CDKN2B-AS1: variants seen among roughly 807,000 people sequenced by gnomAD.
The protein encoded by CDKN2B-AS1 is CDKN2B antisense RNA 1 (non-protein coding).
At chr9:22,125,567 C>T (rs1818003659) in intron 4 of CDKN2B-AS1, among the ~76,000 whole-genome samples, 1 of 152,144 alleles carries the variant, frequency 6.6e-6, no homozygotes, top group Non-Finnish European at 1.5e-5. Flanking sequence ...CAAAAGTATG[C>T]AGAAGCAGTC....
intron 1 of CDKN2B-AS1, among the ~76,000 whole-genome samples, chr9:22,038,100 C>T (rs530450329): frequency 6.6e-6 from 1 of 151,980 alleles, no homozygotes; most frequent in South Asian, 2.1e-4. Flanking sequence ...ATGTTCTTGA[C>T]AAGAAGCTTA....
At chr9:22,090,308 A>G (rs1376206108) in intron 4 of CDKN2B-AS1, among the ~76,000 whole-genome samples, 2 of 152,164 alleles carry the variant, frequency 1.3e-5, no homozygotes, top group East Asian at 1.9e-4. Context: ...GTGTCTTTAT[A>G]GCAGCATGAT....
At chr9:22,116,899 T>C (rs900705127) in intron 4 of CDKN2B-AS1, among the ~76,000 whole-genome samples, 3 of 152,220 alleles carry the variant, frequency 2.0e-5, no homozygotes, top group Non-Finnish European at 4.4e-5. Flanking sequence ...AAAAGGAATA[T>C]TATGACTACA....
intron 4 of CDKN2B-AS1, among the ~76,000 whole-genome samples, chr9:22,088,583 G>A (rs1050385142): frequency 6.6e-5 from 10 of 152,274 alleles, no homozygotes; most frequent in South Asian, 6.2e-4. Flanking sequence ...TCCAAACTGC[G>A]GTTAAGTGCA....
chr9:22,099,109 A>G (rs1192919199), intron 4 of CDKN2B-AS1, among the ~76,000 whole-genome samples: 1 of 152,230 alleles, frequency 6.6e-6, no homozygotes, highest in Non-Finnish European at 1.5e-5. Flanking sequence ...GTCTTGAAGG[A>G]CAAATGGTAT....
chr9:21,997,682 T>C lies in CDKN2B-AS1; in HGVS notation n.29+2521T>C, dbSNP rs916288579. ...CATTTCTCTTAAGCTCTTCAACTGC[T>C]TGGATGAGGACCACCCATATTATTG... On this transcript the variant is annotated intron_variant and non_coding_transcript_variant, in intron 1 of 4. Coordinates refer to ENST00000650946, the Ensembl canonical transcript of CDKN2B-AS1. The surrounding 1 kb of genome is among the most constrained non-coding windows in gnomAD (Gnocchi z 4.8). 6.6e-6 allele frequency among the ~76,000 whole-genome samples: 1 copy of C among 152,106 alleles called. No individual in the cohort carries two copies. The highest frequency in any genetic ancestry group is 2.4e-5 in the African/African-American group (1 of 41,414).
At chr9:22,121,319 C>T (rs1826097232) in intron 4 of CDKN2B-AS1, among the ~76,000 whole-genome samples, 2 of 151,668 alleles carry the variant, frequency 1.3e-5, no homozygotes, top group Admixed American at 1.3e-4. Context: ...AATATATCCT[C>T]TTTTAAGGAT....
chr9:22,003,290 C>T, intron 1 of CDKN2B-AS1: 1 of 200,868 alleles, frequency 5.0e-6, no homozygotes, highest in Non-Finnish European at 1.0e-5. Context: ...AAAAAACTAA[C>T]AAAACAAACA....
chr9:22,112,985 G>A (rs1393952583), intron 4 of CDKN2B-AS1, among the ~76,000 whole-genome samples: 2 of 152,150 alleles, frequency 1.3e-5, no homozygotes, highest in African/African-American at 2.4e-5. Flanking sequence ...TTAAGAGGAG[G>A]GGTGATGTGA....
chr9:22,013,245 A>T (rs899447511), intron 1 of CDKN2B-AS1, among the ~76,000 whole-genome samples: 1 of 152,156 alleles, frequency 6.6e-6, no homozygotes, highest in African/African-American at 2.4e-5. Flanking sequence ...TCAAATTGTG[A>T]GGTATTGGGC....
At chr9:22,017,570 A>G (rs1368741062) in intron 1 of CDKN2B-AS1, among the ~76,000 whole-genome samples, 2 of 152,168 alleles carry the variant, frequency 1.3e-5, no homozygotes, top group Non-Finnish European at 2.9e-5. Context: ...TAAAGTTATT[A>G]TATTTAGTTC....
At chr9:22,059,367 C>G (rs1439362222) in intron 4 of CDKN2B-AS1, among the ~76,000 whole-genome samples, 1 of 152,194 alleles carries the variant, frequency 6.6e-6, no homozygotes, top group Non-Finnish European at 1.5e-5. Flanking sequence ...AGGGCCCATG[C>G]AAGTCCAAAA....
intron 4 of CDKN2B-AS1, among the ~76,000 whole-genome samples, chr9:22,087,970 GA>G (rs1393489478): frequency 1.3e-5 from 2 of 152,192 alleles, no homozygotes; most frequent in African/African-American, 4.8e-5. Context: ...AGAGACTAGG[GA>G]GTGTTATAGA....
intron 2 of CDKN2B-AS1, among the ~76,000 whole-genome samples, chr9:22,048,811 T>G (rs1483082839): frequency 6.6e-6 from 1 of 152,210 alleles, no homozygotes; most frequent in Non-Finnish European, 1.5e-5. Flanking sequence ...CTACTCTTCC[T>G]TGTCATGTTG....
chr9:22,060,323 T>G (rs1823762953), intron 4 of CDKN2B-AS1, among the ~76,000 whole-genome samples: 1 of 152,170 alleles, frequency 6.6e-6, no homozygotes, highest in Non-Finnish European at 1.5e-5. Context: ...CTCTCTCAAG[T>G]TCAAAGTTCC....
intron 1 of CDKN2B-AS1, among the ~76,000 whole-genome samples, chr9:22,022,578 G>A (rs192434588): frequency 2.0e-4 from 30 of 152,190 alleles, no homozygotes; most frequent in African/African-American, 3.9e-4. Context: ...ACAGCATACC[G>A]ATGGGTCTTG....
At chr9:22,024,550 G>A (rs1258939076) in intron 1 of CDKN2B-AS1, among the ~76,000 whole-genome samples, 1 of 152,188 alleles carries the variant, frequency 6.6e-6, no homozygotes, top group Non-Finnish European at 1.5e-5. Context: ...ATTGCTCAGG[G>A]TGTGGGAGGA....
intron 4 of CDKN2B-AS1, among the ~76,000 whole-genome samples, chr9:22,077,411 C>T (rs886778879): frequency 9.9e-5 from 15 of 152,080 alleles, no homozygotes; most frequent in African/African-American, 3.6e-4. Flanking sequence ...GATTTTATAA[C>T]ATTTGCAGTT....
At chr9:22,079,264 A>AC in intron 4 of CDKN2B-AS1, among the ~76,000 whole-genome samples, 1 of 152,284 alleles carries the variant, frequency 6.6e-6, no homozygotes, top group Middle Eastern at 3.4e-3. Context: ...CGGGAGGATC[A>AC]CCTGAGGTCA....
Sources: allele counts gnomAD v4.1 joint callset (sites outside exome capture counted in the v4.1 genomes callset), GRCh38; gene constraint gnomAD v4.1.1; non-coding constraint Gnocchi (gnomAD v3.1); transcripts MANE v1.5; gene names NCBI Gene and HGNC (gene_info 2026-07-23, HGNC 2026-07-21).